The following ADGRF1 variants were observed in gnomAD, a reference collection of about 807,000 sequenced individuals.
ADGRF1 encodes adhesion G protein-coupled receptor F1.
A neutral mutation model predicts 87.2 loss-of-function variants in ADGRF1; 85 were observed. The ratio of observed to expected loss-of-function variants is 0.97; its 90% CI spans 0.82 to 1.17. The LOEUF (loss-of-function observed/expected upper bound fraction) is 1.17, where lower values mean the gene tolerates loss of function less well. ADGRF1 is among the 50% of genes most tolerant of loss of function. The pLI is 0.00. For synonymous variants in ADGRF1, 430 were observed against 408.8 expected (o/e 1.05, Z -0.63); for missense variants, 1,169 against 1,077.2 (o/e 1.09, Z -1.19).
intron 13 of ADGRF1, among the ~76,000 whole-genome samples, chr6:47,002,856 T>C (rs542701493): frequency 6.6e-6 from 1 of 152,272 alleles, no homozygotes; most frequent in East Asian, 1.9e-4. Flanking sequence ...GCTTGAAGGA[T>C]GGTCCTTGCT....
Position 47,032,892 on chromosome 6 carries a change from AT to A in ADGRF1, c.-43-3789del, listed in dbSNP as rs1400102067. On this transcript the variant is annotated intron_variant, in intron 1 of 14. Coordinates refer to ENST00000371253, the MANE Select transcript of ADGRF1 (RefSeq NM_153840.4). ...AGCAATAAAGTACATTTTTACAGTA[AT>A]TGAATTATCTGACTCAAAGGAAGGT... Among the ~76,000 whole-genome samples, 6 of 152,324 alleles carry A rather than the reference AT, an allele frequency of 3.9e-5. No homozygotes were observed. The East Asian group carries it at 1.2e-3, about 29-fold the overall frequency.
At chr6:47,038,991 A>G (rs767982087) in intron 1 of ADGRF1, among the ~76,000 whole-genome samples, 1 of 152,228 alleles carries the variant, frequency 6.6e-6, no homozygotes, top group African/African-American at 2.4e-5. Flanking sequence ...CTTAACACAA[A>G]TTCTCTTTAC....
In ADGRF1 at chr6:47,014,801, A is replaced by T. The variant is rs1331158493; in HGVS notation, c.807T>A (p.Asp269Glu). 6.2e-7 allele frequency: 1 copy of T among 1,613,422 alleles called. No homozygotes were observed. Among genetic ancestry groups the T allele is most frequent in the Non-Finnish European group, 8.5e-7 (1 of 1,179,650 alleles). ...CACTGCTGCAGGGCAGGGTATATTC[A>T]TCATCCTTGGACCCAAATCCAAAGA... ...DIVFGFGSKD[D>E]EYTLPCSSGY... The change falls in exon 9 of 15, where the codon GAT becomes GAA. Residue 269 changes from aspartate (D) to glutamate (E), a missense_variant. By Grantham distance (45) the Asp-to-Glu change is conservative. Transcript: ENST00000371253.
rs747405309 is a variant in ADGRF1 at position 47,009,255 on chromosome 6, T to A, written c.2180A>T (p.Tyr727Phe). 1 of 1,614,124 alleles carries A rather than the reference T, an allele frequency of 6.2e-7. No individual in the cohort carries two copies. The highest frequency in any genetic ancestry group is 8.5e-7 in the Non-Finnish European group (1 of 1,180,010). The change falls in exon 11 of 15, where the codon TAC (tyrosine) becomes TTC (phenylalanine). Residue 727 changes from tyrosine (Y) to phenylalanine (F), a missense_variant. By Grantham distance (22) the Tyr-to-Phe change is conservative. Transcript: ENST00000371253. ...AAGCCAACACACATCTTTCCTTTTG[T>A]AGGTATTGCTAGGTTGCGTGACAGC... is the stretch of plus-strand genomic sequence containing the variant. ...TIAVTQPSNT[Y>F]KRKDVCWLNW... is the part of the protein sequence containing the mutation.
At chr6:47,016,146 CAAATTTT>C (rs1779869032) in intron 8 of ADGRF1, among the ~76,000 whole-genome samples, 1 of 151,808 alleles carries the variant, frequency 6.6e-6, no homozygotes, top group South Asian at 2.1e-4. Context: ...GAGAGTGGTA[CAAATTTT>C]GGTAGGAAAG....
rs1779658655 is a variant in ADGRF1 at position 47,010,025 on chromosome 6, T to C, written c.1410A>G (p.Gln470=). ...IRGRVLIGSD[Q]FQRSLPETII... is the part of the protein sequence containing the mutation. ...TAGTTTCTGGAAGGGATCTCTGGAA[T>C]TGGTCTGACCCAATTAACACACGGC... The change falls in exon 11 of 15, where the codon CAA becomes CAG. Residue 470 remains glutamine, a synonymous_variant. Coordinates refer to ENST00000371253, the MANE Select transcript of ADGRF1 (RefSeq NM_153840.4). The C allele has an allele frequency of 1.9e-6, 3 of 1,614,062 alleles. No individual in the cohort carries two copies. Among genetic ancestry groups the C allele is most frequent in the South Asian group, 1.1e-5 (1 of 91,084 alleles).
In ADGRF1 at chr6:47,036,459, G is replaced by A. The variant is rs16875454; in HGVS notation, c.-44+5732C>T. On this transcript the variant is annotated intron_variant, in intron 1 of 14. Transcript: ENST00000371253. The stretch of plus-strand genomic sequence containing the variant: ...GACAAATATGATTGTCCTCAGTGTC[G>A]AAGGAGAGTCAGGAGTCCAAGGATG... Among the ~76,000 whole-genome samples, 388 of 152,226 alleles carry A rather than the reference G, an allele frequency of 2.5e-3. 3 individuals are homozygous for A. Among genetic ancestry groups the A allele is most frequent in the African/African-American group, 8.6e-3 (359 of 41,544 alleles).
At position 47,000,048 on chromosome 6, in the gene ADGRF1, T is replaced by A; in HGVS notation, c.*174A>T. 1 of 540,820 alleles carries A rather than the reference T, an allele frequency of 1.8e-6. No homozygotes were observed. Among genetic ancestry groups the A allele is most frequent in the East Asian group, 2.9e-5 (1 of 34,206 alleles). The allele number at this position is 540,820 out of a possible 1,614,324, so 33.5% of individuals were successfully genotyped here. A position where few individuals can be genotyped will look rare whatever the true frequency, so the allele number is the denominator to read the frequency against. On this transcript the variant is annotated 3_prime_UTR_variant, in exon 15 of 15. Coordinates refer to ENST00000371253, the MANE Select transcript of ADGRF1 (RefSeq NM_153840.4). ...CACATGGAAATAAATCTTCTTTTCA[T>A]TTAATTGAAGACAAAAGGGAGCAGT... is the stretch of plus-strand genomic sequence containing the variant.
At chr6:47,010,640 G>A (rs1038470619) in intron 10 of ADGRF1, among the ~76,000 whole-genome samples, 2 of 152,116 alleles carry the variant, frequency 1.3e-5, no homozygotes, top group South Asian at 2.1e-4. Flanking sequence ...CCTCCTCTCC[G>A]AGATGTTAAA....
At position 47,009,838 on chromosome 6, in the gene ADGRF1, G is replaced by A. The variant is rs1779650685; in HGVS notation, c.1597C>T (p.His533Tyr). 4 of 1,613,978 alleles carry A rather than the reference G, an allele frequency of 2.5e-6. No individual in the cohort carries two copies. The highest frequency in any genetic ancestry group is 1.1e-5 in the South Asian group (1 of 91,082). ...TGACTGAAATCCCAAAACACACAAT[G>A]AGGCTGGCTCAGGTTTGACTCTATC... ...SKIESNLSQPHCVFWDFSHLQ... is the reference protein window; with the variant it reads ...SKIESNLSQPYCVFWDFSHLQ... Residue 533 changes from histidine (H) to tyrosine (Y), a missense_variant, in exon 11 of 15, where the codon CAT (histidine) becomes TAT (tyrosine). Transcript: ENST00000371253.
intron 8 of ADGRF1, among the ~76,000 whole-genome samples, chr6:47,015,754 AT>A (rs66570376): frequency 0.86 from 122,168 of 142,350 alleles, 54,017 homozygotes; most frequent in Non-Finnish European, 0.98. Context: ...CGCCTGGCTA[AT>A]TTTTTTTTTT....
chr6:47,001,458 T>C (rs1269914855), intron 14 of ADGRF1, 43 bp downstream of exon 14: 1 of 1,521,358 alleles, frequency 6.6e-7, no homozygotes, highest in African/African-American at 1.4e-5. Flanking sequence ...ACTCATATAC[T>C]CTTTTCACAC....
intron 3 of ADGRF1, among the ~76,000 whole-genome samples, 170 bp downstream of exon 3, chr6:47,027,534 A>G (rs1226614640): frequency 1.3e-5 from 2 of 152,178 alleles, no homozygotes; most frequent in Non-Finnish European, 2.9e-5. Flanking sequence ...ATATTATTTA[A>G]TCTTCACAAA....
intron 13 of ADGRF1, 55 bp downstream of exon 13, chr6:47,005,762 A>C (rs1779507679): frequency 4.6e-6 from 6 of 1,310,770 alleles, no homozygotes; most frequent in Admixed American, 3.6e-5. Context: ...TATAAAGAGA[A>C]GAATGCAAAA....
chr6:47,038,380 T>C (rs1780651696), intron 1 of ADGRF1, among the ~76,000 whole-genome samples: 1 of 152,190 alleles, frequency 6.6e-6, no homozygotes, highest in Admixed American at 6.5e-5. Flanking sequence ...GTTTGCCAAC[T>C]ATTTTTCCCA....
At chr6:47,031,081 G>A (rs1272477745) in intron 1 of ADGRF1, among the ~76,000 whole-genome samples, 1 of 152,084 alleles carries the variant, frequency 6.6e-6, no homozygotes, top group Non-Finnish European at 1.5e-5. Context: ...TTCACCTCTA[G>A]GGAAGGATTT....
intron 11 of ADGRF1, among the ~76,000 whole-genome samples, chr6:47,008,431 A>G (rs1170105175): frequency 1.3e-5 from 2 of 152,208 alleles, no homozygotes; most frequent in African/African-American, 4.8e-5. Context: ...TTTCTTTTGC[A>G]ACTACTCAAC....
rs184253987 is a variant in ADGRF1, at chr6:47,011,019, T to C, written c.1117-701A>G. 3.9e-5 allele frequency among the ~76,000 whole-genome samples: 6 copies of C among 152,336 alleles called. No individual in the cohort carries two copies. In the East Asian group the frequency reaches 1.2e-3, roughly 29 times the overall value. On this transcript the variant is annotated intron_variant, in intron 10 of 14. Coordinates refer to ENST00000371253, the MANE Select transcript of ADGRF1 (RefSeq NM_153840.4). ...AAGCATCTGTCACTCCACCTGAGTC[T>C]TACTCTGACCCAGCCCTCTTTGCCT...
In ADGRF1 at chr6:47,000,131, A is replaced by T; in HGVS notation, c.*91T>A. The T allele has an allele frequency of 2.1e-6, 2 of 968,580 alleles. No homozygotes were observed. The highest frequency in any genetic ancestry group is 1.6e-5 in the African/African-American group (1 of 62,588). The allele number at this position is 968,580 out of a possible 1,614,324, so 60.0% of individuals were successfully genotyped here. ...CCAGACCCCTAAATCAGAAAACCCG[A>T]TCGAATACTGAGCATAATTTCTTCA... On this transcript the variant is annotated 3_prime_UTR_variant, in exon 15 of 15. Coordinates refer to ENST00000371253, the MANE Select transcript of ADGRF1 (RefSeq NM_153840.4).
Sources: allele counts gnomAD v4.1 joint callset (sites outside exome capture counted in the v4.1 genomes callset), GRCh38; gene constraint gnomAD v4.1.1; transcripts MANE v1.5; gene names NCBI Gene and HGNC (gene_info 2026-07-23, HGNC 2026-07-21).